MLLT3: variants seen among roughly 807,000 people sequenced by gnomAD.
MLLT3 encodes protein AF-9.
A neutral mutation model predicts 53.2 loss-of-function variants in MLLT3; 4 were observed. The ratio of observed to expected loss-of-function variants is 0.08; its 90% CI spans 0.04 to 0.17. The LOEUF (loss-of-function observed/expected upper bound fraction) is 0.17. MLLT3 is among the 10% of genes least tolerant of loss of function. MLLT3 has a pLI of 1.00. For synonymous variants in MLLT3, 283 were observed against 230.6 expected (o/e 1.23, Z -2.06); for missense variants, 569 against 684.0 (o/e 0.83, Z 1.87).
intron 2 of MLLT3, among the ~76,000 whole-genome samples, chr9:20,566,104 C>A (rs1819371976): frequency 7.3e-6 from 1 of 137,602 alleles, no homozygotes; most frequent in African/African-American, 2.7e-5. Context: ...ATAAAGTGTA[C>A]TTTCATCACA....
At chr9:20,472,416 C>T (rs1423640219) in intron 2 of MLLT3, among the ~76,000 whole-genome samples, 1 of 151,976 alleles carries the variant, frequency 6.6e-6, no homozygotes, top group Non-Finnish European at 1.5e-5. Flanking sequence ...ACTAAGAATG[C>T]AAGCATGAAT....
chr9:20,438,208 A>G (rs534700647), intron 4 of MLLT3, among the ~76,000 whole-genome samples: 1 of 152,346 alleles, frequency 6.6e-6, no homozygotes, highest in Non-Finnish European at 1.5e-5. Context: ...CTCTGTCTAG[A>G]CTATATCAAA....
intron 4 of MLLT3, among the ~76,000 whole-genome samples, chr9:20,444,463 C>T (rs1430450332): frequency 6.6e-6 from 1 of 151,904 alleles, no homozygotes; most frequent in Non-Finnish European, 1.5e-5. Context: ...AAATATCCTC[C>T]CTTAATATAA....
intron 2 of MLLT3, among the ~76,000 whole-genome samples, chr9:20,477,979 ATCC>A (rs556223679): frequency 1.3e-5 from 2 of 152,238 alleles, no homozygotes; most frequent in Non-Finnish European, 2.9e-5. Flanking sequence ...TTGCAACTTC[ATCC>A]TCTATTTACA....
At chr9:20,392,944 T>C (rs1033600780) in intron 5 of MLLT3, among the ~76,000 whole-genome samples, 12 of 152,026 alleles carry the variant, frequency 7.9e-5, no homozygotes, top group Admixed American at 3.9e-4. Context: ...TCACCTGAGG[T>C]CAGGAGTTTG....
At chr9:20,472,932 T>G (rs988297891) in intron 2 of MLLT3, among the ~76,000 whole-genome samples, 21 of 152,086 alleles carry the variant, frequency 1.4e-4, no homozygotes, top group African/African-American at 4.6e-4. Flanking sequence ...AAAAGAAAGT[T>G]TCTTAGCTAA....
intron 5 of MLLT3, among the ~76,000 whole-genome samples, chr9:20,403,823 T>G (rs1358632199): frequency 6.6e-6 from 1 of 152,146 alleles, no homozygotes; most frequent in Non-Finnish European, 1.5e-5. Flanking sequence ...ACTAAACTTT[T>G]TTTTGTTTTT....
chr9:20,528,735 T>A (rs1022223033), intron 2 of MLLT3, among the ~76,000 whole-genome samples: 1 of 152,228 alleles, frequency 6.6e-6, no homozygotes, highest in African/African-American at 2.4e-5. Context: ...AAAACTCAGA[T>A]AATCCAGGAT....
At chr9:20,361,459 C>G (rs779819326) in intron 7 of MLLT3, among the ~76,000 whole-genome samples, 1 of 152,180 alleles carries the variant, frequency 6.6e-6, no homozygotes. Context: ...AAGGATTGAA[C>G]ATGTGGAGCC....
At chr9:20,480,056 T>C (rs1824624412) in intron 2 of MLLT3, among the ~76,000 whole-genome samples, 1 of 152,206 alleles carries the variant, frequency 6.6e-6, no homozygotes, top group African/African-American at 2.4e-5. Flanking sequence ...GGTACAGTCC[T>C]TTCTACAAAT....
intron 4 of MLLT3, among the ~76,000 whole-genome samples, chr9:20,440,083 ATAAAC>A (rs1416338882): frequency 1.3e-5 from 2 of 152,210 alleles, no homozygotes; most frequent in Admixed American, 1.3e-4. Flanking sequence ...ATGTCAATAA[ATAAAC>A]TAATTATCTG....
intron 7 of MLLT3, 167 bp downstream of exon 7, chr9:20,363,309 T>A: frequency 3.1e-6 from 2 of 653,214 alleles, no homozygotes; most frequent in Non-Finnish European, 4.8e-6. Context: ...GGAGAAACAG[T>A]TCCCTGTAAA....
At chr9:20,552,934 A>G (rs1818962108) in intron 2 of MLLT3, among the ~76,000 whole-genome samples, 1 of 152,188 alleles carries the variant, frequency 6.6e-6, no homozygotes, top group South Asian at 2.1e-4. Context: ...AAAAGTTGCA[A>G]GGTAAAAAAA....
At position 20,522,075 on chromosome 9, in the gene MLLT3, G is replaced by A. The variant is rs1818076686; in HGVS notation, c.194-65289C>T. ...TCCTCATTAAACTGAATGTAAAAAT[G>A]TAGAAACACATTTATTTCTAGAGCC... is the stretch of plus-strand genomic sequence containing the variant. On this transcript the variant is annotated intron_variant, in intron 2 of 10. Coordinates refer to ENST00000380338, the MANE Select transcript of MLLT3 (RefSeq NM_004529.4). Among the ~76,000 whole-genome samples, 3 of 149,474 alleles carry A rather than the reference G, an allele frequency of 2.0e-5. No homozygotes were observed. The South Asian group carries it at 6.3e-4, about 32-fold the overall frequency.
At chr9:20,492,595 T>C (rs1020651993) in intron 2 of MLLT3, among the ~76,000 whole-genome samples, 3 of 151,886 alleles carry the variant, frequency 2.0e-5, no homozygotes, top group African/African-American at 4.8e-5. Context: ...ATTTCCCACA[T>C]ATATTAAGAT....
chr9:20,403,227 T>G (rs1386789393), intron 5 of MLLT3, among the ~76,000 whole-genome samples: 1 of 152,230 alleles, frequency 6.6e-6, no homozygotes, highest in Non-Finnish European at 1.5e-5. Context: ...TGAAGTTTCT[T>G]GTTCTAAAAA....
chr9:20,484,188 A>T (rs1824745594), intron 2 of MLLT3, among the ~76,000 whole-genome samples: 1 of 152,238 alleles, frequency 6.6e-6, no homozygotes, highest in African/African-American at 2.4e-5. Context: ...ACACAGAGGC[A>T]ATCCAGTCAA....
At chr9:20,571,314 C>G (rs7020299) in intron 2 of MLLT3, among the ~76,000 whole-genome samples, 2,084 of 152,300 alleles carry the variant, frequency 0.014, 43 homozygotes, top group African/African-American at 0.046. Flanking sequence ...CACACACACA[C>G]AAACAACACA....
At chr9:20,539,493 G>C (rs2119008880) in intron 2 of MLLT3, among the ~76,000 whole-genome samples, 1 of 152,262 alleles carries the variant, frequency 6.6e-6, no homozygotes, top group South Asian at 2.1e-4. Flanking sequence ...GAAGGCAAAG[G>C]GGAAGCAAGG....
Sources: gnomAD v4.1 joint callset for allele counts (sites outside exome capture counted in the v4.1 genomes callset) on GRCh38, gnomAD v4.1.1 for gene constraint, MANE v1.5 for transcripts, NCBI Gene and HGNC (gene_info 2026-07-23, HGNC 2026-07-21) for gene names.